TENM3: variants seen among roughly 807,000 people sequenced by gnomAD.
TENM3 encodes the protein teneurin-3.
A neutral mutation model predicts 255.1 loss-of-function variants in TENM3; 63 were observed. That is an observed-to-expected ratio of 0.25 (90% CI 0.20 to 0.30). The LOEUF (loss-of-function observed/expected upper bound fraction) is 0.30, where lower values mean the gene tolerates loss of function less well. TENM3 is among the 10% of genes least tolerant of loss of function. The pLI is 1.00. For missense variants in TENM3, 2,929 were observed against 3,461.1 expected, an observed-to-expected ratio of 0.85 and a Z score of 3.86; for synonymous variants, 1,306 against 1,322.3, an observed-to-expected ratio of 0.99 and a Z score of 0.27.
At chr4:181,847,633 T>C in the TENM3 span, among the ~76,000 whole-genome samples, 1 of 152,106 alleles carries the variant, frequency 6.6e-6, no homozygotes, top group Non-Finnish European at 1.5e-5. Context: ...CATATATTTA[T>C]ATGCAAATAG....
the TENM3 span, among the ~76,000 whole-genome samples, chr4:182,068,017 G>C: frequency 3.9e-5 from 6 of 152,034 alleles, no homozygotes; most frequent in Non-Finnish European, 7.3e-5. Context: ...CACCATGCTG[G>C]GTATACCATT....
chr4:181,744,870 G>A, the TENM3 span, among the ~76,000 whole-genome samples: 1 of 152,192 alleles, frequency 6.6e-6, no homozygotes, highest in Non-Finnish European at 1.5e-5. Context: ...AGAAGACTAG[G>A]AGAACAAGTG....
At chr4:181,882,877 T>G in the TENM3 span, among the ~76,000 whole-genome samples, 1 of 152,182 alleles carries the variant, frequency 6.6e-6, no homozygotes, top group Admixed American at 6.5e-5. Flanking sequence ...ATCATCAGAT[T>G]AAGCTCTCAA....
At chr4:182,022,885 A>C in the TENM3 span, among the ~76,000 whole-genome samples, 1 of 152,350 alleles carries the variant, frequency 6.6e-6, no homozygotes, top group South Asian at 2.1e-4. Flanking sequence ...AACCAGTTTA[A>C]AAATTTTAAT....
At chr4:181,938,568 C>T in the TENM3 span, among the ~76,000 whole-genome samples, 76 of 152,296 alleles carry the variant, frequency 5.0e-4, no homozygotes, top group South Asian at 3.5e-3. Context: ...GCCTAAAACT[C>T]GTATTTCCAA....
At chr4:182,008,931 G>A in the TENM3 span, among the ~76,000 whole-genome samples, 1 of 152,046 alleles carries the variant, frequency 6.6e-6, no homozygotes, top group Non-Finnish European at 1.5e-5. Flanking sequence ...TTTTGTTGTT[G>A]ATGATGCTAT....
intron 5 of TENM3, among the ~76,000 whole-genome samples, chr4:182,635,541 AC>A (rs1751769119): frequency 6.6e-6 from 1 of 152,210 alleles, no homozygotes; most frequent in African/African-American, 2.4e-5. Flanking sequence ...CCCAATGAAA[AC>A]AAATAACTCA....
chr4:181,804,990 C>G, the TENM3 span, among the ~76,000 whole-genome samples: 8 of 152,132 alleles, frequency 5.3e-5, no homozygotes, highest in South Asian at 1.2e-3. Flanking sequence ...GATTCTCCTC[C>G]ATCCAGCCTC....
At chr4:181,576,811 C>CTTTTTTTTTTTTTTTTTTTTT in the TENM3 span, among the ~76,000 whole-genome samples, 14 of 123,984 alleles carry the variant, frequency 1.1e-4, no homozygotes, top group Non-Finnish European at 1.4e-4. Flanking sequence ...TCTTTCTTTT[C>CTTTTTTTTTTTTTTTTTTTTT]TTTTTTTTTT....
chr4:181,744,272 C>T, the TENM3 span, among the ~76,000 whole-genome samples: 4 of 152,168 alleles, frequency 2.6e-5, no homozygotes, highest in African/African-American at 7.2e-5. Flanking sequence ...GTGAATGGTG[C>T]GTCAACGAAC....
the TENM3 span, among the ~76,000 whole-genome samples, chr4:181,787,642 T>C: frequency 6.6e-6 from 1 of 152,062 alleles, no homozygotes; most frequent in African/African-American, 2.4e-5. Flanking sequence ...ACCTGGCCCA[T>C]CCATCCTTAA....
chr4:181,898,863 T>C, the TENM3 span, among the ~76,000 whole-genome samples: 2 of 152,184 alleles, frequency 1.3e-5, no homozygotes, highest in African/African-American at 4.8e-5. Flanking sequence ...TTTGAAGATA[T>C]TGCAATTACA....
chr4:181,569,210 GC>G, the TENM3 span, among the ~76,000 whole-genome samples: 1 of 152,090 alleles, frequency 6.6e-6, no homozygotes, highest in Non-Finnish European at 1.5e-5. Flanking sequence ...TCTCCCTGCT[GC>G]CCTGCTCTTT....
intron 1 of TENM3, among the ~76,000 whole-genome samples, chr4:182,174,928 A>C (rs1225784191): frequency 7.5e-6 from 1 of 133,332 alleles, no homozygotes; most frequent in Non-Finnish European, 1.7e-5. Context: ...AAGTATTGAT[A>C]TTTTCATTAT....
At chr4:181,824,639 C>T in the TENM3 span, among the ~76,000 whole-genome samples, 1 of 152,066 alleles carries the variant, frequency 6.6e-6, no homozygotes, top group East Asian at 1.9e-4. Context: ...ACATGAGTTG[C>T]TGATCAGGCA....
intron 3 of TENM3, among the ~76,000 whole-genome samples, chr4:182,431,851 CAGATCACCTGAGG>C (rs1771673393): frequency 1.3e-5 from 2 of 151,884 alleles, no homozygotes; most frequent in African/African-American, 4.8e-5. Flanking sequence ...CCAAGGCAGG[CAGATCACCTGAGG>C]TCAGGAGTTT....
At chr4:182,775,195 G>C in intron 24 of TENM3, 42 bp downstream of exon 24, 1 of 1,569,444 alleles carries the variant, frequency 6.4e-7, no homozygotes. Flanking sequence ...GCAGCCCTCT[G>C]ATCTGTGCAG....
the TENM3 span, among the ~76,000 whole-genome samples, chr4:181,862,141 G>A: frequency 2.0e-5 from 3 of 152,066 alleles, no homozygotes; most frequent in Non-Finnish European, 4.4e-5. Context: ...TCTCTTCAAA[G>A]CATTTCTTAA....
At chr4:181,851,564 G>A in the TENM3 span, among the ~76,000 whole-genome samples, 220 of 152,224 alleles carry the variant, frequency 1.4e-3, 2 homozygotes, top group African/African-American at 4.9e-3. Context: ...AACAGTGTGC[G>A]CATGTGTGCA....
Sources: gnomAD v4.1 joint callset for allele counts (sites outside exome capture counted in the v4.1 genomes callset) on GRCh38, gnomAD v4.1.1 for gene constraint, MANE v1.5 for transcripts, NCBI Gene and HGNC (gene_info 2026-07-23, HGNC 2026-07-21) for gene names.